The following ATP2B2 variants were observed in gnomAD, a reference collection of about 807,000 sequenced individuals.
ATP2B2 encodes ATPase plasma membrane Ca2+ transporting 2.
In ATP2B2, 15 loss-of-function variants were observed where a neutral mutation model predicts 120.0. The ratio of observed to expected loss-of-function variants is 0.12; its 90% CI spans 0.08 to 0.19. The LOEUF is 0.19. Among genes scored for constraint, ATP2B2 ranks in the 10% least tolerant of loss-of-function variants. The probability of loss-of-function intolerance (pLI) is 1.00; values close to 1 mark genes in which losing one functional copy is unlikely to be tolerated. For synonymous variants in ATP2B2, 694 were observed against 700.3 expected, an observed-to-expected ratio of 0.99 and a Z score of 0.14; for missense variants, 1,045 against 1,719.8, an observed-to-expected ratio of 0.61 and a Z score of 6.94.
At chr3:10,433,227 G>A (rs1367857251) in intron 2 of ATP2B2, among the ~76,000 whole-genome samples, 2 of 152,144 alleles carry the variant, frequency 1.3e-5, no homozygotes, top group African/African-American at 4.8e-5. Flanking sequence ...GCCTCTGTAG[G>A]AATTTTTTTT....
chr3:10,337,423 G>A (rs1389607562), intron 22 of ATP2B2, among the ~76,000 whole-genome samples: 5 of 152,216 alleles, frequency 3.3e-5, no homozygotes, highest in African/African-American at 9.6e-5. Flanking sequence ...CCCTCCCCTC[G>A]CAGGGCTGTG....
chr3:10,646,741 G>A (rs1284447092), intron 1 of ATP2B2, among the ~76,000 whole-genome samples: 16 of 152,096 alleles, frequency 1.1e-4, no homozygotes, highest in Admixed American at 1.0e-3. Context: ...TAAAGGATGG[G>A]CTAGAGAAAA....
intron 2 of ATP2B2, among the ~76,000 whole-genome samples, chr3:10,545,657 T>C (rs1304746194): frequency 6.6e-6 from 1 of 152,248 alleles, no homozygotes; most frequent in African/African-American, 2.4e-5. Context: ...AATTGGAATA[T>C]GCAGTAATTG....
rs531288534 is a variant in ATP2B2 at position 10,371,792 on chromosome 3, G to A, written c.1659+17C>T. On this transcript the variant is annotated intron_variant, in intron 12 of 22. Coordinates refer to ENST00000360273, the MANE Select transcript of ATP2B2 (RefSeq NM_001001331.4). ...GGATGTTGCTCCAGGTGGTGGATGTGCCTGGTCCACACTTACCAGAATCTT... is the reference window on the plus strand; with the variant it reads ...GGATGTTGCTCCAGGTGGTGGATGTACCTGGTCCACACTTACCAGAATCTT... 3.1e-6 allele frequency: 5 copies of A among 1,614,122 alleles called. No individual in the cohort carries two copies. In the South Asian group the frequency reaches 5.5e-5, roughly 18 times the overall value.
At chr3:10,614,196 G>A (rs767909281) in intron 2 of ATP2B2, among the ~76,000 whole-genome samples, 6 of 152,004 alleles carry the variant, frequency 3.9e-5, no homozygotes, top group Admixed American at 2.0e-4. Context: ...CTCCCTGAAG[G>A]CAGGAACCAC....
intron 2 of ATP2B2, among the ~76,000 whole-genome samples, chr3:10,592,651 C>A (rs1353548868): frequency 6.6e-6 from 1 of 152,244 alleles, no homozygotes; most frequent in Non-Finnish European, 1.5e-5. Flanking sequence ...CACGGCCACA[C>A]CACTTCCACC....
intron 1 of ATP2B2, among the ~76,000 whole-genome samples, chr3:10,473,199 A>T (rs1320399383): frequency 6.6e-6 from 1 of 152,144 alleles, no homozygotes; most frequent in Non-Finnish European, 1.5e-5. Context: ...TCTCTTGCCC[A>T]ATCTCCTACT....
Position 10,342,367 on chromosome 3 carries a change from C to T in ATP2B2, c.2917+385G>A, listed in dbSNP as rs1440543982. On this transcript the variant is annotated intron_variant, in intron 19 of 22. Coordinates refer to ENST00000360273, the MANE Select transcript of ATP2B2 (RefSeq NM_001001331.4). This position sits in a 1 kb window ranked among gnomAD's most constrained non-coding sequence, Gnocchi z 4.4. ...CCCCAGGAAGCCTTGCTGAGGGTCC[C>T]TTCCACGGGGCCAGGATAAGGTGCT... Among the ~76,000 whole-genome samples the T allele has an allele frequency of 6.6e-6, 1 of 152,196 alleles. No homozygotes were observed. The highest frequency in any genetic ancestry group is 2.4e-5 in the African/African-American group (1 of 41,440).
Position 10,378,496 on chromosome 3 carries a change from C to T in ATP2B2, c.1043-86G>A, listed in dbSNP as rs1359072600. 4 of 1,554,598 alleles carry T rather than the reference C, an allele frequency of 2.6e-6. No homozygotes were observed. The East Asian group carries it at 6.8e-5, about 26-fold the overall frequency. On this transcript the variant is annotated intron_variant, in intron 9 of 22. Transcript: ENST00000360273. ...GCCCACAGGGTGGAGACGCTGGCACCCACCCCTGCCTGCCCAGGGTAGGTG... is the reference window on the plus strand; with the variant it reads ...GCCCACAGGGTGGAGACGCTGGCACTCACCCCTGCCTGCCCAGGGTAGGTG...
chr3:10,437,118 G>A (rs571065633), intron 2 of ATP2B2, among the ~76,000 whole-genome samples: 18 of 152,268 alleles, frequency 1.2e-4, no homozygotes, highest in African/African-American at 2.9e-4. Context: ...ACATAGAGAC[G>A]TGGTTGAAAA....
At chr3:10,380,216 T>G (rs1270373474) in intron 8 of ATP2B2, among the ~76,000 whole-genome samples, 1 of 152,226 alleles carries the variant, frequency 6.6e-6, no homozygotes, top group Non-Finnish European at 1.5e-5. Context: ...CAGGAGCTTG[T>G]GGGCTGGGTG....
rs2067599312 is a variant in ATP2B2, at chr3:10,548,529, TATAG to T, written c.-414-14400_-414-14397del. Among the ~76,000 whole-genome samples the T allele has an allele frequency of 2.6e-5, 4 of 152,316 alleles. No homozygotes were observed. In the South Asian group the frequency reaches 8.3e-4, roughly 32 times the overall value. On this transcript the variant is annotated intron_variant, in intron 2 of 21. Coordinates refer to the ATP2B2 transcript ENST00000646379. ...GATTGATGGGTGTTGGCAGTTGGTG[TATAG>T]ATAGTGTATAGCTATCCCAGCTCCC... is the stretch of plus-strand genomic sequence containing the variant.
chr3:10,687,333 G>A (rs1012569914), intron 1 of ATP2B2, among the ~76,000 whole-genome samples: 2 of 151,946 alleles, frequency 1.3e-5, no homozygotes, highest in African/African-American at 4.8e-5. Context: ...TGGTGCAGAC[G>A]GAGTGCCCAG....
chr3:10,628,626 A>G (rs762520643), intron 1 of ATP2B2, among the ~76,000 whole-genome samples: 1 of 152,204 alleles, frequency 6.6e-6, no homozygotes, highest in Non-Finnish European at 1.5e-5. Flanking sequence ...ACTGTTTACA[A>G]TCTCCTTTCA....
chr3:10,392,259 T>C (rs1355070711), intron 5 of ATP2B2, among the ~76,000 whole-genome samples: 1 of 152,206 alleles, frequency 6.6e-6, no homozygotes, highest in African/African-American at 2.4e-5. Flanking sequence ...GTATTACATT[T>C]ATAATTGGGA....
intron 1 of ATP2B2, among the ~76,000 whole-genome samples, chr3:10,651,352 A>G (rs1436888827): frequency 6.6e-6 from 1 of 152,144 alleles, no homozygotes; most frequent in Non-Finnish European, 1.5e-5. Context: ...TCATGGGGGC[A>G]GGTCTTTCCC....
At chr3:10,335,076 C>A (rs566390760) in intron 22 of ATP2B2, among the ~76,000 whole-genome samples, 1 of 152,318 alleles carries the variant, frequency 6.6e-6, no homozygotes, top group South Asian at 2.1e-4. Context: ...TAGACAAAGC[C>A]AGCAATGAGT....
At chr3:10,467,638 T>C (rs545798522) in intron 1 of ATP2B2, among the ~76,000 whole-genome samples, 1 of 152,254 alleles carries the variant, frequency 6.6e-6, no homozygotes, top group South Asian at 2.1e-4. Flanking sequence ...CCTTCCACGC[T>C]TATGTTTGAA....
At chr3:10,550,467 C>A (rs1403015299) in intron 2 of ATP2B2, among the ~76,000 whole-genome samples, 2 of 151,992 alleles carry the variant, frequency 1.3e-5, no homozygotes, top group Non-Finnish European at 2.9e-5. Flanking sequence ...ATATTATAGA[C>A]CAGTTTTTTT....
Sources: allele counts gnomAD v4.1 joint callset (sites outside exome capture counted in the v4.1 genomes callset), GRCh38; gene constraint gnomAD v4.1.1; non-coding constraint Gnocchi (gnomAD v3.1); transcripts MANE v1.5; gene names NCBI Gene and HGNC (gene_info 2026-07-23, HGNC 2026-07-21).